The following ANKFY1 variants were observed in gnomAD, a reference collection of about 807,000 sequenced individuals.
ANKFY1 encodes ankyrin repeat and FYVE domain-containing protein 1.
Under a neutral mutation model 128.3 loss-of-function variants are expected in ANKFY1, and 47 were observed. The observed-to-expected ratio is 0.37, with a 90% CI of 0.29 to 0.47. ANKFY1 has a LOEUF of 0.47. Ranked by LOEUF, ANKFY1 falls within the 20% of genes least tolerant of loss-of-function variation. ANKFY1 has a pLI of 1.00. For missense variants in ANKFY1, 1,222 were observed against 1,510.6 expected (o/e 0.81, Z 3.17); for synonymous variants, 553 against 601.6 (o/e 0.92, Z 1.18).
rs1463464893 is a variant in ANKFY1, at chr17:4,177,302, C to A, written c.2599G>T (p.Val867Leu). The change falls in exon 19 of 25, where the codon GTG becomes TTG. Residue 867 changes from valine (V) to leucine (L), a missense_variant and splice_region_variant. Transcript: ENST00000341657. ...LKRESGAAEQ[V>L]DNKGRNFLHV... ...AGGAAATTCCGGCCCTTGTTATCCA[C>A]CTACAGCAACAAGTGCAAAGCAAAA... 6.3e-7 allele frequency: 1 copy of A among 1,585,288 alleles called. No homozygotes were observed. Among genetic ancestry groups the A allele is most frequent in the East Asian group, 2.3e-5 (1 of 43,666 alleles).
chr17:4,183,875 T>C lies in ANKFY1; in HGVS notation c.1735A>G (p.Ile579Val). ...GAATCTTTGAGGCTGAAGTCCGGAA[T>C]GATCTGCAAGTTGTTGGTGGCATGA... ...ALHATNNLQI[I>V]PDFSLKDSRD... Residue 579 changes from isoleucine to valine, a missense_variant, in exon 13 of 25, where the codon ATT becomes GTT. Physicochemically the swap from Ile to Val is conservative, Grantham distance 29 (BLOSUM62 3). Transcript: ENST00000341657. The C allele has an allele frequency of 6.2e-7, 1 of 1,614,006 alleles. No homozygotes were observed. Among genetic ancestry groups the C allele is most frequent in the South Asian group, 1.1e-5 (1 of 91,088 alleles).
intron 19 of ANKFY1, among the ~76,000 whole-genome samples, chr17:4,174,279 C>T (rs764604375): frequency 6.6e-6 from 1 of 152,174 alleles, no homozygotes; most frequent in African/African-American, 2.4e-5. Context: ...TGTTAAAGAG[C>T]CATTCCTTGG....
intron 17 of ANKFY1, 78 bp downstream of exon 17, chr17:4,179,643 C>A: frequency 6.4e-7 from 1 of 1,557,562 alleles, no homozygotes. Context: ...GGGGACTGTG[C>A]AAGGTCCTCT....
chr17:4,207,795 T>C, intron 6 of ANKFY1, 138 bp downstream of exon 6: 1 of 876,740 alleles, frequency 1.1e-6, no homozygotes, highest in Non-Finnish European at 1.6e-6. Flanking sequence ...CAGATTGCCT[T>C]GAACAAACTA....
intron 3 of ANKFY1, among the ~76,000 whole-genome samples, chr17:4,227,192 A>G (rs1269607736): frequency 6.6e-6 from 1 of 152,196 alleles, no homozygotes; most frequent in African/African-American, 2.4e-5. Flanking sequence ...ATTTTCAGAA[A>G]ACAGACAATG....
At chr17:4,254,982 T>G (rs1212508867) in intron 1 of ANKFY1, among the ~76,000 whole-genome samples, 2 of 152,062 alleles carry the variant, frequency 1.3e-5, no homozygotes, top group African/African-American at 4.8e-5. Flanking sequence ...CCAGAACGCA[T>G]CCCATTAACA....
At position 4,193,624 on chromosome 17, in the gene ANKFY1, C is replaced by A. The variant is rs572327248; in HGVS notation, c.1372+1354G>T. ...GTATTTCAGTAGAGACGGTGTTTCA[C>A]CATGTTGGCCAGGATGGTCTCGAAC... On this transcript the variant is annotated intron_variant, in intron 10 of 24. Coordinates refer to ENST00000341657, the MANE Select transcript of ANKFY1 (RefSeq NM_001330063.2). 2.5e-3 allele frequency among the ~76,000 whole-genome samples: 380 copies of A among 152,070 alleles called. 3 individuals carry two copies. Among genetic ancestry groups the A allele is most frequent in the African/African-American group, 8.6e-3 (355 of 41,454 alleles).
At chr17:4,239,231 G>C (rs530021433) in intron 2 of ANKFY1, among the ~76,000 whole-genome samples, 6 of 152,278 alleles carry the variant, frequency 3.9e-5, no homozygotes, top group African/African-American at 1.4e-4. Context: ...AAGTAATTGA[G>C]AAACTAAATG....
In ANKFY1 at chr17:4,195,195, T is replaced by G. The variant is rs1303618008; in HGVS notation, c.1173-18A>C. 6.3e-7 allele frequency: 1 copy of G among 1,591,498 alleles called. No individual in the cohort carries two copies. Among genetic ancestry groups the G allele is most frequent in the African/African-American group, 1.3e-5 (1 of 74,482 alleles). On this transcript the variant is annotated intron_variant, in intron 9 of 24. Transcript: ENST00000341657. The stretch of plus-strand genomic sequence containing the variant: ...AATCTAGTCTGAAAAGCAGAAGCAG[T>G]GTCAACAGCACATACAATCTTTTTG...
At chr17:4,194,075 C>T (rs2059768057) in intron 10 of ANKFY1, among the ~76,000 whole-genome samples, 1 of 141,022 alleles carries the variant, frequency 7.1e-6, no homozygotes, top group South Asian at 2.3e-4. Flanking sequence ...GCATGAGCTA[C>T]CACGCCCGGC....
intron 24 of ANKFY1, chr17:4,168,741 T>A (rs1177313896): frequency 6.5e-6 from 1 of 153,964 alleles, no homozygotes; most frequent in African/African-American, 2.4e-5. Context: ...CTCGAACTCC[T>A]GACCTCAAGC....
chr17:4,204,768 G>C (rs35103069), intron 7 of ANKFY1, among the ~76,000 whole-genome samples: 72,905 of 151,794 alleles, frequency 0.48, 19,474 homozygotes, highest in East Asian at 0.75. Flanking sequence ...AACAGTGTGG[G>C]AAAGAATCAT....
chr17:4,172,464 G>T, intron 22 of ANKFY1, 92 bp downstream of exon 22: 1 of 1,518,846 alleles, frequency 6.6e-7, no homozygotes, highest in Non-Finnish European at 8.9e-7. Context: ...CGAGCTGAAC[G>T]CCCTCAGATA....
intron 7 of ANKFY1, among the ~76,000 whole-genome samples, chr17:4,205,741 CAAAA>C (rs11445216): frequency 6.9e-6 from 1 of 145,286 alleles, no homozygotes; most frequent in African/African-American, 2.5e-5. Context: ...GACTCCGTCT[CAAAA>C]AAAAAAAAAG....
At chr17:4,182,142 C>A in intron 15 of ANKFY1, 39 bp downstream of exon 15, 1 of 1,423,128 alleles carries the variant, frequency 7.0e-7, no homozygotes, top group Non-Finnish European at 9.3e-7. Context: ...ACAACATATC[C>A]CCATCTGTAA....
At chr17:4,223,386 A>G in intron 3 of ANKFY1, 3 of 1,581,472 alleles carry the variant, frequency 1.9e-6, no homozygotes, top group Non-Finnish European at 1.7e-6. Context: ...GGAATGAGCT[A>G]CCTGGCCAGA....
At chr17:4,242,120 G>T in intron 2 of ANKFY1, 136 bp downstream of exon 2, 1 of 880,856 alleles carries the variant, frequency 1.1e-6, no homozygotes, top group Non-Finnish European at 1.6e-6. Context: ...GCCTCAAGGA[G>T]CTTCTATTCT....
At chr17:4,210,446 C>T (rs901792788) in intron 4 of ANKFY1, among the ~76,000 whole-genome samples, 4 of 152,180 alleles carry the variant, frequency 2.6e-5, no homozygotes, top group Non-Finnish European at 4.4e-5. Context: ...CAGTGGCTCA[C>T]GCCTGTAATC....
At chr17:4,208,165 TCA>T in intron 5 of ANKFY1, 83 bp from the exon 6 acceptor site, 2 of 1,386,682 alleles carry the variant, frequency 1.4e-6, no homozygotes, top group Non-Finnish European at 1.9e-6. Context: ...CTCAAATGCA[TCA>T]GTCAGGCCCT....
Sources: allele counts gnomAD v4.1 joint callset (sites outside exome capture counted in the v4.1 genomes callset), GRCh38; gene constraint gnomAD v4.1.1; transcripts MANE v1.5; gene names NCBI Gene and HGNC (gene_info 2026-07-23, HGNC 2026-07-21).